The following RBM41 variants were observed in gnomAD, a reference collection of about 807,000 sequenced individuals.
RBM41 encodes the protein RNA-binding protein 41.
RBM41 carries 14 observed loss-of-function variants against 30.8 expected under a neutral mutation model. The ratio of observed to expected loss-of-function variants is 0.45; its 90% CI spans 0.30 to 0.71. The LOEUF (loss-of-function observed/expected upper bound fraction) is 0.71, where lower values mean the gene tolerates loss of function less well. RBM41 is among the 30% of genes least tolerant of loss of function. The pLI is 0.08. For synonymous variants in RBM41, 120 were observed against 110.1 expected (o/e 1.09, Z -0.56); for missense variants, 276 against 326.3 (o/e 0.85, Z 1.19).
In RBM41 at chrX:107,115,881, C is replaced by T; in HGVS notation, c.299G>A (p.Ser100Asn). 1 of 1,196,496 alleles carries T rather than the reference C, an allele frequency of 8.4e-7. No individual in the cohort carries two copies. Among genetic ancestry groups the T allele is most frequent in the Non-Finnish European group, 1.1e-6 (1 of 887,534 alleles). The change falls in exon 3 of 8, where the codon AGC becomes AAC. Residue 100 changes from serine to asparagine, a missense_variant. Ser to Asn is a conservative substitution (Grantham distance 46). Coordinates refer to ENST00000685964, the MANE Select transcript of RBM41 (RefSeq NM_001324242.2). ...LNETEILIWK[S>N]HVSGEKKTKL... is the part of the protein sequence containing the mutation. Reference sequence around the variant, plus strand: ...ACTCACCTTTTCACCAGAAACATGGCTCTTCCAGATCAAGATTTCTGTTTC... The same window carrying T: ...ACTCACCTTTTCACCAGAAACATGGTTCTTCCAGATCAAGATTTCTGTTTC...
chrX:107,109,524 G>C (rs1924277032), intron 5 of RBM41, among the ~76,000 whole-genome samples: 1 of 111,151 alleles, frequency 9.0e-6, no homozygotes, highest in Admixed American at 9.5e-5. Flanking sequence ...AAATTAAGTT[G>C]ATCTTTTCAA....
chrX:107,092,376 G>C (rs1194159400), intron 5 of RBM41, among the ~76,000 whole-genome samples: 1 of 109,710 alleles, frequency 9.1e-6, no homozygotes, highest in Admixed American at 9.7e-5. Flanking sequence ...ATAAGAAAAA[G>C]ATGAACAACC....
chrX:107,110,143 CAA>C (rs1218890643), intron 5 of RBM41, among the ~76,000 whole-genome samples: 3 of 94,582 alleles, frequency 3.2e-5, no homozygotes, highest in African/African-American at 3.8e-5. Flanking sequence ...CATTTGAAGC[CAA>C]AAAAAAAAAA....
chrX:107,105,169 G>C (rs5917035), intron 5 of RBM41, among the ~76,000 whole-genome samples: 19,751 of 110,688 alleles, frequency 0.18, 1,870 homozygotes, highest in Non-Finnish European at 0.26. Flanking sequence ...TTTCAGCAAA[G>C]TCTCAGGATA....
At chrX:107,104,628 G>A (rs183032947) in intron 5 of RBM41, among the ~76,000 whole-genome samples, 175 of 110,992 alleles carry the variant, frequency 1.6e-3, no homozygotes, top group African/African-American at 5.3e-3. Context: ...CTTGTCAAAG[G>A]CCTTTTCTGC....
At position 107,115,931 on chromosome X, in the gene RBM41, A is replaced by C. The variant is rs775345888; in HGVS notation, c.249T>G (p.Ala83=). 4.1e-6 allele frequency: 5 copies of C among 1,210,165 alleles called. No homozygotes were observed. Among genetic ancestry groups the C allele is most frequent in the Non-Finnish European group, 5.6e-6 (5 of 894,738 alleles). The part of the protein sequence containing the change: ...QTLHEKDQET[A]SLRELGLNET... ...CATTAAGCCCTAATTCCCTGAGAGA[A>C]GCAGTTTCCTGGTCCTTCTCATGCA... The change falls in exon 3 of 8, where the codon GCT becomes GCG. Residue 83 remains alanine (A), a synonymous_variant. Transcript: ENST00000685964.
chrX:107,076,565 G>C (rs1489038176), intron 6 of RBM41, among the ~76,000 whole-genome samples: 1 of 110,547 alleles, frequency 9.0e-6, no homozygotes, highest in African/African-American at 3.3e-5. Flanking sequence ...CTGGGGGAAG[G>C]AGGAAATGGG....
chrX:107,065,537 T>C lies in RBM41; in HGVS notation c.*1990A>G, dbSNP rs1329332171. The C allele has an allele frequency of 3.3e-6, 1 of 307,393 alleles. No homozygotes were observed. Among genetic ancestry groups the C allele is most frequent in the African/African-American group, 2.7e-5 (1 of 37,263 alleles). 25.3% of individuals were successfully genotyped at this position (307,393 alleles called of 1,213,427 possible). On this transcript the variant is annotated 3_prime_UTR_variant, in exon 8 of 8. Transcript: ENST00000685964. ...TGTGGTATTATTGTTATATATGTTA[T>C]TCCTATACATTACAAACCCAACACA...
chrX:107,093,826 A>G (rs1343585084), intron 5 of RBM41, among the ~76,000 whole-genome samples: 1 of 112,183 alleles, frequency 8.9e-6, no homozygotes, highest in African/African-American at 3.2e-5. Context: ...AGTTTAACAA[A>G]TGACAAACCT....
At chrX:107,069,130 CG>C in intron 7 of RBM41, 124 bp downstream of exon 7, 1 of 617,074 alleles carries the variant, frequency 1.6e-6, no homozygotes, top group East Asian at 3.6e-5. Context: ...ACATATTTTT[CG>C]TTCATTGTCT....
intron 4 of RBM41, chrX:107,114,513 C>T (rs1178207013): frequency 1.8e-5 from 2 of 111,680 alleles, no homozygotes; most frequent in African/African-American, 6.5e-5. Context: ...AGTGCTCACA[C>T]CATCTGTTGC....
Position 107,066,745 on chromosome X carries a change from T to C in RBM41, c.*782A>G, listed in dbSNP as rs1021303619. On this transcript the variant is annotated 3_prime_UTR_variant, in exon 8 of 8. Transcript: ENST00000685964. ...GATTTGTGACTGGCATCCTCTTTTC[T>C]AGAGAACGCTTTATTTCCATTTCCG... is the stretch of plus-strand genomic sequence containing the variant. The C allele has an allele frequency of 2.7e-6, 2 of 752,111 alleles. No individual in the cohort carries two copies. Among genetic ancestry groups the C allele is most frequent in the African/African-American group, 4.6e-5 (2 of 43,772 alleles). The allele number at this position is 752,111 out of a possible 1,213,427, so 62.0% of individuals were successfully genotyped here.
intron 5 of RBM41, among the ~76,000 whole-genome samples, chrX:107,107,514 G>A (rs1489920732): frequency 8.9e-6 from 1 of 111,887 alleles, no homozygotes; most frequent in African/African-American, 3.2e-5. Flanking sequence ...GAACAAGGGA[G>A]AGGCTCTAAC....
chrX:107,114,657 A>C (rs1924755098), intron 4 of RBM41: 1 of 110,663 alleles, frequency 9.0e-6, no homozygotes, highest in Non-Finnish European at 1.9e-5. Flanking sequence ...AACTCCAACA[A>C]CACTTAACAA....
chrX:107,096,744 A>C (rs771717537), intron 5 of RBM41, among the ~76,000 whole-genome samples: 1 of 112,295 alleles, frequency 8.9e-6, no homozygotes, highest in Non-Finnish European at 1.9e-5. Flanking sequence ...ATTGAACTTC[A>C]TTAAAATTAA....
chrX:107,112,845 A>G, intron 5 of RBM41: 1 of 329,623 alleles, frequency 3.0e-6, no homozygotes, highest in Non-Finnish European at 5.9e-6. Context: ...ACAGTGATGG[A>G]AAACAGTCAG....
Position 107,062,203 on chromosome X carries a change from C to T in RBM41, c.*5324G>A, listed in dbSNP as rs1402144455. Among the ~76,000 whole-genome samples, 2 of 111,908 alleles carry T rather than the reference C, an allele frequency of 1.8e-5. No homozygotes were observed. The highest frequency in any genetic ancestry group is 3.8e-5 in the Non-Finnish European group (2 of 53,197). ...TTGGCTTCTTTTACTTAGTAAAATG[C>T]ATTTAAGATTCATCCAAGTGGTTGC... On this transcript the variant is annotated 3_prime_UTR_variant, in exon 8 of 8. Transcript: ENST00000685964.
In RBM41 at chrX:107,101,690, G is replaced by GT. The variant is rs1923477090; in HGVS notation, c.595+11706dup. Among the ~76,000 whole-genome samples, 3 of 112,235 alleles carry GT rather than the reference G, an allele frequency of 2.7e-5. No homozygotes were observed. In the East Asian group the frequency reaches 8.4e-4, roughly 32 times the overall value. On this transcript the variant is annotated intron_variant, in intron 5 of 7. Coordinates refer to ENST00000685964, the MANE Select transcript of RBM41 (RefSeq NM_001324242.2). ...TTTTGATTTTGTAGCCTCCACAACT[G>GT]TGAGGGAATAACTTTCTGTTGTTTT...
chrX:107,060,617 T>G (rs1416453108), downstream of RBM41, among the ~76,000 whole-genome samples: 1 of 110,708 alleles, frequency 9.0e-6, no homozygotes, highest in Non-Finnish European at 1.9e-5. Flanking sequence ...TCTTTAAAAA[T>G]TACCCTGCCT....
Sources: allele counts gnomAD v4.1 joint callset (sites outside exome capture counted in the v4.1 genomes callset), GRCh38; gene constraint gnomAD v4.1.1; transcripts MANE v1.5; gene names NCBI Gene and HGNC (gene_info 2026-07-23, HGNC 2026-07-21).